The following ODF2 variants were observed in gnomAD, a reference collection of about 807,000 sequenced individuals.
ODF2 encodes the protein outer dense fiber of sperm tails 2.
In ODF2, 47 loss-of-function variants were observed where a neutral mutation model predicts 110.2. That is an observed-to-expected ratio of 0.43 (90% CI 0.34 to 0.54). The LOEUF (loss-of-function observed/expected upper bound fraction) is 0.54. Ranked by LOEUF, ODF2 falls within the 20% of genes least tolerant of loss-of-function variation. The pLI is 0.03. For missense variants in ODF2, 812 were observed against 1,054.5 expected, an observed-to-expected ratio of 0.77 and a Z score of 3.19; for synonymous variants, 352 against 397.7, an observed-to-expected ratio of 0.89 and a Z score of 1.37.
rs752681185 is a variant in ODF2 at position 128,494,266 on chromosome 9, TG to T, written c.1753-241del. On this transcript the variant is annotated intron_variant, in intron 16 of 20. Transcript: ENST00000604420. The surrounding 1 kb of genome is among the most constrained non-coding windows in gnomAD (Gnocchi z 4.6). ...TGCAGAGAGCCCCTGGTACAATGCC[TG>T]GGTCTTGGTGTTTACTGTGTGGTTG... is the stretch of plus-strand genomic sequence containing the variant. 6.6e-5 allele frequency among the ~76,000 whole-genome samples: 10 copies of T among 152,224 alleles called. No individual in the cohort carries two copies. The highest frequency in any genetic ancestry group is 1.3e-4 in the Non-Finnish European group (9 of 68,034).
chr9:128,493,162 G>T (rs943987286), intron 16 of ODF2, among the ~76,000 whole-genome samples: 1 of 151,908 alleles, frequency 6.6e-6, no homozygotes, highest in Non-Finnish European at 1.5e-5. Context: ...AGGCAGGCAG[G>T]TCAACTGAGG....
intron 9 of ODF2, among the ~76,000 whole-genome samples, chr9:128,482,301 C>T (rs1336537694): frequency 1.3e-5 from 2 of 152,216 alleles, no homozygotes; most frequent in African/African-American, 4.8e-5. Context: ...GGAGATGCAG[C>T]AAGCTCGGCG....
chr9:128,470,647 C>T (rs1330269802), intron 5 of ODF2, among the ~76,000 whole-genome samples: 2 of 151,554 alleles, frequency 1.3e-5, no homozygotes, highest in African/African-American at 4.8e-5. Context: ...AAAAGCCCTT[C>T]TTCCCCTATA....
chr9:128,464,183 TCTCG>T, intron 4 of ODF2, among the ~76,000 whole-genome samples: 1 of 126,350 alleles, frequency 7.9e-6, no homozygotes, highest in Middle Eastern at 5.7e-3. Flanking sequence ...TGAGACGGAG[TCTCG>T]CTCTGTCATC....
At chr9:128,483,055 C>G (rs1025040897) in intron 10 of ODF2, among the ~76,000 whole-genome samples, 168 bp downstream of exon 10, 1 of 152,084 alleles carries the variant, frequency 6.6e-6, no homozygotes, top group African/African-American at 2.4e-5. Context: ...GCCACCACGC[C>G]CAGCTAATTT....
chr9:128,489,434 G>A (rs1344248474), intron 14 of ODF2, among the ~76,000 whole-genome samples: 1 of 152,114 alleles, frequency 6.6e-6, no homozygotes. Flanking sequence ...CCCTGTAAAG[G>A]TAACTGCTAG....
chr9:128,472,140 C>T (rs1191084743), intron 6 of ODF2, among the ~76,000 whole-genome samples: 4 of 152,018 alleles, frequency 2.6e-5, no homozygotes, highest in South Asian at 2.1e-4. Context: ...TTAAGCCGGG[C>T]GTCGCGGCGG....
intron 8 of ODF2, among the ~76,000 whole-genome samples, chr9:128,477,714 T>G (rs1207753290): frequency 2.0e-5 from 3 of 151,762 alleles, no homozygotes; most frequent in Middle Eastern, 3.2e-3. Context: ...CAAGAGATTC[T>G]CCTGCCTCAG....
chr9:128,489,486 G>A (rs1844095722), intron 14 of ODF2, among the ~76,000 whole-genome samples: 1 of 152,180 alleles, frequency 6.6e-6, no homozygotes, highest in Non-Finnish European at 1.5e-5. Flanking sequence ...GCTTTTAACT[G>A]TAGAGATTTG....
At chr9:128,471,194 G>T (rs1249793450) in intron 5 of ODF2, 114 bp from the exon 6 acceptor site, 3 of 1,104,092 alleles carry the variant, frequency 2.7e-6, no homozygotes, top group African/African-American at 3.3e-5. Flanking sequence ...GATTACAGGC[G>T]TGAGCCACCA....
chr9:128,495,728 T>C (rs113045039), intron 17 of ODF2, among the ~76,000 whole-genome samples: 154 of 152,340 alleles, frequency 1.0e-3, no homozygotes, highest in African/African-American at 3.6e-3. Flanking sequence ...CCCTGCCAGC[T>C]GTTTCTGCCT....
At chr9:128,460,398 C>A in intron 3 of ODF2, 152 bp from the exon 3 acceptor site, 1 of 1,434,696 alleles carries the variant, frequency 7.0e-7, no homozygotes, top group Non-Finnish European at 9.3e-7. Context: ...TCCCGCCTTA[C>A]TCCCTGCCTG....
intron 8 of ODF2, among the ~76,000 whole-genome samples, chr9:128,477,780 G>A (rs1841615585): frequency 6.6e-6 from 1 of 151,188 alleles, no homozygotes; most frequent in South Asian, 2.1e-4. Flanking sequence ...TGTATTTTTA[G>A]TTGAGACGGG....
chr9:128,483,071 T>G (rs1842727767), intron 10 of ODF2, among the ~76,000 whole-genome samples, 184 bp downstream of exon 10: 1 of 152,134 alleles, frequency 6.6e-6, no homozygotes, highest in African/African-American at 2.4e-5. Context: ...AATTTTTGTA[T>G]TTTTAGTAGA....
At chr9:128,468,325 A>G (rs962665355) in intron 4 of ODF2, among the ~76,000 whole-genome samples, 5 of 152,212 alleles carry the variant, frequency 3.3e-5, no homozygotes, top group African/African-American at 1.2e-4. Flanking sequence ...AACTTTGGGT[A>G]TTATTAATGT....
intron 17 of ODF2, among the ~76,000 whole-genome samples, chr9:128,495,744 T>C (rs1845461216): frequency 6.6e-6 from 1 of 152,232 alleles, no homozygotes; most frequent in Non-Finnish European, 1.5e-5. Flanking sequence ...TGCCTTCTCA[T>C]GTCTGTCCTG....
chr9:128,457,945 T>TATA (rs67619179), intron 2 of ODF2, among the ~76,000 whole-genome samples: 689 of 58,044 alleles, frequency 0.012, 3 homozygotes, highest in African/African-American at 0.021. Context: ...ATATATATAT[T>TATA]TTTTTTTTTT....
intron 3 of ODF2, 178 bp from the exon 3 acceptor site, chr9:128,460,372 G>T: frequency 1.4e-6 from 2 of 1,423,298 alleles, no homozygotes; most frequent in Admixed American, 2.2e-5. Flanking sequence ...CTCTGCAGGA[G>T]CCTGCTGAAT....
At chr9:128,499,397 C>A (rs1349749301) in intron 20 of ODF2, among the ~76,000 whole-genome samples, 1 of 152,112 alleles carries the variant, frequency 6.6e-6, no homozygotes, top group Non-Finnish European at 1.5e-5. Flanking sequence ...ATGATCCCCA[C>A]CCCACCCTCA....
Sources: allele counts gnomAD v4.1 joint callset (sites outside exome capture counted in the v4.1 genomes callset), GRCh38; gene constraint gnomAD v4.1.1; non-coding constraint Gnocchi (gnomAD v3.1); transcripts MANE v1.5; gene names NCBI Gene and HGNC (gene_info 2026-07-23, HGNC 2026-07-21).